KCNIP4: variants seen among roughly 807,000 people sequenced by gnomAD.
KCNIP4 encodes Kv channel-interacting protein 4.
Under a neutral mutation model 34.0 loss-of-function variants are expected in KCNIP4, and 12 were observed. That is an observed-to-expected ratio of 0.35 (90% confidence interval 0.23 to 0.57). KCNIP4 has a LOEUF of 0.57. KCNIP4 is among the 20% of genes least tolerant of loss of function. The probability of loss-of-function intolerance (pLI) is 0.83; values close to 1 mark genes in which losing one functional copy is unlikely to be tolerated. For missense variants in KCNIP4, 238 were observed against 311.7 expected (o/e 0.76, Z 1.78); for synonymous variants, 124 against 102.2 (o/e 1.21, Z -1.29).
At chr4:21,869,779 TAGATAGACAGAC>T (rs1451883947) in intron 1 of KCNIP4, among the ~76,000 whole-genome samples, 7 of 121,768 alleles carry the variant, frequency 5.7e-5, no homozygotes, top group African/African-American at 2.2e-4. Context: ...GATAGATAGA[TAGATAGACAGAC>T]AGACAGATAG....
intron 1 of KCNIP4, among the ~76,000 whole-genome samples, chr4:20,915,798 C>T (rs1728754705): frequency 6.6e-6 from 1 of 152,134 alleles, no homozygotes; most frequent in African/African-American, 2.4e-5. Flanking sequence ...GACAACATCA[C>T]TCTAATTTTA....
chr4:21,303,868 G>C, intron 1 of KCNIP4: 3 of 1,613,940 alleles, frequency 1.9e-6, no homozygotes, highest in Non-Finnish European at 1.7e-6. Flanking sequence ...GCACAATGAC[G>C]ATCAGAACTG....
intron 1 of KCNIP4, among the ~76,000 whole-genome samples, chr4:21,504,555 A>G (rs1733673918): frequency 6.6e-6 from 1 of 151,908 alleles, no homozygotes; most frequent in Non-Finnish European, 1.5e-5. Context: ...GCAAGAAAAG[A>G]AAGAAAGGAA....
chr4:21,152,534 C>G (rs1464159371), intron 1 of KCNIP4, among the ~76,000 whole-genome samples: 1 of 150,644 alleles, frequency 6.6e-6, no homozygotes, highest in Non-Finnish European at 1.5e-5. Flanking sequence ...ATTTCTAATT[C>G]TTTCCACTTT....
chr4:21,220,342 A>G (rs1360625453), intron 1 of KCNIP4, among the ~76,000 whole-genome samples: 1 of 152,156 alleles, frequency 6.6e-6, no homozygotes, highest in East Asian at 1.9e-4. Flanking sequence ...CAGGGCAATA[A>G]GAACGAGGTT....
chr4:21,636,035 A>G (rs1283911818), intron 1 of KCNIP4, among the ~76,000 whole-genome samples: 4 of 151,328 alleles, frequency 2.6e-5, no homozygotes, highest in Non-Finnish European at 4.4e-5. Flanking sequence ...AAACTATCAC[A>G]AGAACAAAAA....
rs185904121 is a variant in KCNIP4, at chr4:21,520,312, C to A, written c.61+428259G>T. On this transcript the variant is annotated intron_variant, in intron 1 of 8. Coordinates refer to ENST00000382152, the MANE Select transcript of KCNIP4 (RefSeq NM_025221.6). ...TCACAAGGCCCCTCACCAGAACCAG[C>A]CATACTGGCACTCTGATCTCAGTTT... Among the ~76,000 whole-genome samples the A allele has an allele frequency of 8.7e-4, 132 of 152,230 alleles. 2 individuals are homozygous for A. The highest frequency in any genetic ancestry group is 8.6e-3 in the Admixed American group (131 of 15,286).
chr4:20,770,868 G>A (rs1423594088), intron 3 of KCNIP4, among the ~76,000 whole-genome samples: 1 of 152,192 alleles, frequency 6.6e-6, no homozygotes, highest in Non-Finnish European at 1.5e-5. Flanking sequence ...CCGGGAGGCA[G>A]AGGTTGCAGT....
intron 1 of KCNIP4, among the ~76,000 whole-genome samples, chr4:21,473,267 T>A (rs79996798): frequency 6.6e-6 from 1 of 152,274 alleles, no homozygotes; most frequent in Non-Finnish European, 1.5e-5. Flanking sequence ...ATACATAAAA[T>A]ATATATTTCT....
chr4:20,917,662 C>G (rs1728981528), intron 1 of KCNIP4, among the ~76,000 whole-genome samples: 1 of 152,150 alleles, frequency 6.6e-6, no homozygotes, highest in South Asian at 2.1e-4. Context: ...AAAGCACAGT[C>G]TAAGCTGACA....
chr4:21,184,550 T>C (rs1755073564), intron 1 of KCNIP4, among the ~76,000 whole-genome samples: 1 of 152,128 alleles, frequency 6.6e-6, no homozygotes, highest in Admixed American at 6.6e-5. Context: ...GAGGGGTTGT[T>C]AGCACAATTA....
chr4:21,323,640 TA>T (rs1714727849), intron 1 of KCNIP4, among the ~76,000 whole-genome samples: 1 of 152,074 alleles, frequency 6.6e-6, no homozygotes, highest in Admixed American at 6.6e-5. Context: ...GTTAATGTAC[TA>T]CATTTCCTTT....
intron 1 of KCNIP4, among the ~76,000 whole-genome samples, chr4:21,247,798 TGG>T (rs1760371571): frequency 2.3e-5 from 2 of 86,728 alleles, no homozygotes; most frequent in African/African-American, 6.9e-5. Context: ...ACACCACAGG[TGG>T]ATATATATAT....
At chr4:21,476,709 C>T (rs1731011394) in intron 1 of KCNIP4, among the ~76,000 whole-genome samples, 5 of 152,162 alleles carry the variant, frequency 3.3e-5, no homozygotes, top group Admixed American at 3.3e-4. Flanking sequence ...TGTGCTAAAC[C>T]TAGAAAACCT....
chr4:21,083,330 A>C (rs527597063), intron 1 of KCNIP4, among the ~76,000 whole-genome samples: 1 of 151,722 alleles, frequency 6.6e-6, no homozygotes, highest in East Asian at 1.9e-4. Flanking sequence ...TTACCTTTGC[A>C]ATAGACTAAA....
At chr4:20,812,395 C>T (rs182695180) in intron 3 of KCNIP4, among the ~76,000 whole-genome samples, 19 of 152,074 alleles carry the variant, frequency 1.2e-4, no homozygotes, top group South Asian at 2.1e-4. Flanking sequence ...GATGGCTACA[C>T]GATACCTTTG....
chr4:21,088,077 T>C (rs1475222284), intron 1 of KCNIP4, among the ~76,000 whole-genome samples: 2 of 152,144 alleles, frequency 1.3e-5, no homozygotes, highest in Non-Finnish European at 1.5e-5. Flanking sequence ...CTGAGATGTC[T>C]CACTGGCAAC....
At chr4:21,184,654 C>A (rs1057155987) in intron 1 of KCNIP4, among the ~76,000 whole-genome samples, 5 of 152,134 alleles carry the variant, frequency 3.3e-5, no homozygotes, top group African/African-American at 9.7e-5. Context: ...ATTTGTTCTG[C>A]ATTTGTATGG....
intron 1 of KCNIP4, among the ~76,000 whole-genome samples, chr4:21,866,124 C>T (rs1358663143): frequency 6.6e-6 from 1 of 152,050 alleles, no homozygotes; most frequent in African/African-American, 2.4e-5. Flanking sequence ...AGTTGCATTC[C>T]TATGGCTTGG....
Sources: allele counts gnomAD v4.1 joint callset (sites outside exome capture counted in the v4.1 genomes callset), GRCh38; gene constraint gnomAD v4.1.1; transcripts MANE v1.5; gene names NCBI Gene and HGNC (gene_info 2026-07-23, HGNC 2026-07-21).